APBA1: variants seen among roughly 807,000 people sequenced by gnomAD.
The protein encoded by APBA1 is amyloid beta precursor protein binding family A member 1, also known as amyloid-beta A4 precursor protein-binding family A member 1.
A neutral mutation model predicts 86.6 loss-of-function variants in APBA1; 55 were observed. The observed-to-expected ratio is 0.64, with a 90% confidence interval of 0.51 to 0.80. APBA1 has a LOEUF of 0.80. Ranked by LOEUF, APBA1 falls within the 30% of genes least tolerant of loss-of-function variation. The pLI is 0.00. For missense variants in APBA1, 1,090 were observed against 1,183.0 expected, an observed-to-expected ratio of 0.92 and a Z score of 1.15; for synonymous variants, 511 against 493.9, an observed-to-expected ratio of 1.03 and a Z score of -0.46.
intron 1 of APBA1, among the ~76,000 whole-genome samples, chr9:69,604,625 G>C (rs1480039701): frequency 7.0e-6 from 1 of 143,870 alleles, no homozygotes; most frequent in African/African-American, 2.6e-5. Flanking sequence ...TAAGTGGAGA[G>C]GCACATGAGT....
At chr9:69,660,686 G>T (rs1413847808) in intron 1 of APBA1, among the ~76,000 whole-genome samples, 1 of 152,044 alleles carries the variant, frequency 6.6e-6, no homozygotes, top group African/African-American at 2.4e-5. Context: ...CTTTAAAGAT[G>T]AAAAAACAGG....
intron 1 of APBA1, among the ~76,000 whole-genome samples, chr9:69,586,786 A>G (rs1192315294): frequency 2.0e-5 from 3 of 152,204 alleles, no homozygotes; most frequent in African/African-American, 7.2e-5. Flanking sequence ...GGTGGGAAAT[A>G]TAAGGGAAGA....
Position 69,471,668 on chromosome 9 carries a change from T to C in APBA1, c.1324A>G (p.Thr442Ala), listed in dbSNP as rs199523531. Residue 442 changes from threonine (T) to alanine (A), a missense_variant, in exon 4 of 13, where the codon ACC becomes GCC. By Grantham distance (58) the Thr-to-Ala change is moderately conservative. Around this residue, in one of 6 missense-constraint regions of APBA1, gnomAD observed 76 missense variants for 122.2 expected, o/e 0.62. Coordinates refer to ENST00000265381, the MANE Select transcript of APBA1 (RefSeq NM_001163.4). Reference protein sequence around the residue: ...ESRKSLASFPTYVEVPGPCDP... With the variant: ...ESRKSLASFPAYVEVPGPCDP... ...TTTCAGCTCTTACCTTCAACGTAGGTTGGGAATGAAGCCAAGCTTTTTCTT... is the reference window on the plus strand; with the variant it reads ...TTTCAGCTCTTACCTTCAACGTAGGCTGGGAATGAAGCCAAGCTTTTTCTT... 120 of 1,613,490 alleles carry C rather than the reference T, an allele frequency of 7.4e-5. No individual in the cohort carries two copies. The highest frequency in any genetic ancestry group is 5.2e-4 in the Admixed American group (31 of 59,952).
chr9:69,665,518 G>A (rs181322807), intron 1 of APBA1, among the ~76,000 whole-genome samples: 1 of 152,256 alleles, frequency 6.6e-6, no homozygotes, highest in East Asian at 1.9e-4. Flanking sequence ...TAAATCTTTG[G>A]AAATTTCTCA....
At chr9:69,505,231 C>T (rs1835939580) in intron 2 of APBA1, among the ~76,000 whole-genome samples, 2 of 152,090 alleles carry the variant, frequency 1.3e-5, no homozygotes, top group African/African-American at 4.8e-5. Context: ...CTGACAGGCG[C>T]ACAGCCATCT....
chr9:69,431,210 G>T lies in APBA1; in HGVS notation c.*117C>A. On this transcript the variant is annotated 3_prime_UTR_variant, in exon 13 of 13. Coordinates refer to ENST00000265381, the MANE Select transcript of APBA1 (RefSeq NM_001163.4). ...TCCTTGTGGATTCTTCTCTTCCTGTGTAAAACCAAATGCTGGGCGCGAGAG... is the reference window on the plus strand; with the variant it reads ...TCCTTGTGGATTCTTCTCTTCCTGTTTAAAACCAAATGCTGGGCGCGAGAG... 1.5e-6 allele frequency: 1 copy of T among 675,804 alleles called. No homozygotes were observed. The highest frequency in any genetic ancestry group is 2.4e-6 in the Non-Finnish European group (1 of 412,860). The allele number at this position is 675,804 out of a possible 1,614,324, so 41.9% of individuals were successfully genotyped here. A position where few individuals can be genotyped will look rare whatever the true frequency, so the allele number is the denominator to read the frequency against.
At chr9:69,573,955 A>G (rs895549177) in intron 1 of APBA1, among the ~76,000 whole-genome samples, 2 of 152,252 alleles carry the variant, frequency 1.3e-5, no homozygotes, top group Admixed American at 1.3e-4. Context: ...AACCCCAGTT[A>G]TGACACCTTC....
At chr9:69,667,979 CA>C (rs1426398836) in intron 1 of APBA1, among the ~76,000 whole-genome samples, 2 of 152,126 alleles carry the variant, frequency 1.3e-5, no homozygotes, top group Non-Finnish European at 2.9e-5. Context: ...TCACCCCTTC[CA>C]GCTTCCATGA....
chr9:69,663,688 G>T (rs1423834545), intron 1 of APBA1, among the ~76,000 whole-genome samples: 1 of 152,126 alleles, frequency 6.6e-6, no homozygotes, highest in Non-Finnish European at 1.5e-5. Context: ...TGCTGTATTT[G>T]CTGTATTTTT....
In APBA1 at chr9:69,451,686, C is replaced by T. The variant is rs1166180304; in HGVS notation, c.1968+436G>A. Among the ~76,000 whole-genome samples the T allele has an allele frequency of 2.0e-5, 3 of 152,198 alleles. No homozygotes were observed. In the South Asian group the frequency reaches 6.2e-4, roughly 32 times the overall value. ...TCCTGAATAGCTCAGTTTGAAGCCA[C>T]AGGCCATCCCCAGAGAAGCACAGCA... On this transcript the variant is annotated intron_variant, in intron 9 of 12. Coordinates refer to ENST00000265381, the MANE Select transcript of APBA1 (RefSeq NM_001163.4).
chr9:69,489,594 T>C lies in APBA1; in HGVS notation c.1201-13451A>G, dbSNP rs754401712. 1.6e-3 allele frequency among the ~76,000 whole-genome samples: 246 copies of C among 152,054 alleles called. 2 individuals carry two copies. Among genetic ancestry groups the C allele is most frequent in the Non-Finnish European group, 3.1e-3 (213 of 67,976 alleles). On this transcript the variant is annotated intron_variant, in intron 2 of 12. Transcript: ENST00000265381. ...TACTCATCTGACAAAGGGCTAATAT[T>C]CAGAATCTACAATGAACTCAAACAA...
At chr9:69,494,141 T>C (rs185351599) in intron 2 of APBA1, 1 of 152,224 alleles carries the variant, frequency 6.6e-6, no homozygotes, top group African/African-American at 2.4e-5. Flanking sequence ...AGGGGCATAA[T>C]TATGTCATTA....
chr9:69,502,712 A>C (rs960337713), intron 2 of APBA1, among the ~76,000 whole-genome samples: 1 of 152,088 alleles, frequency 6.6e-6, no homozygotes, highest in African/African-American at 2.4e-5. Flanking sequence ...AAAACATTTC[A>C]TTTTTGAAGT....
intron 1 of APBA1, among the ~76,000 whole-genome samples, chr9:69,565,883 G>A (rs576869383): frequency 1.3e-5 from 2 of 152,268 alleles, no homozygotes; most frequent in African/African-American, 2.4e-5. Context: ...ATGGAATCAC[G>A]TCCCTCCTCT....
chr9:69,499,893 A>C (rs187787855), intron 2 of APBA1, among the ~76,000 whole-genome samples: 2 of 152,222 alleles, frequency 1.3e-5, no homozygotes, highest in Non-Finnish European at 2.9e-5. Context: ...CCATCTCAGC[A>C]GGAGAGTGGC....
intron 2 of APBA1, among the ~76,000 whole-genome samples, chr9:69,512,499 C>T (rs1333659578): frequency 2.6e-5 from 4 of 152,102 alleles, no homozygotes; most frequent in African/African-American, 9.7e-5. Flanking sequence ...TGTGATCTTG[C>T]CATTTTGAGA....
chr9:69,630,738 C>A (rs1588401951), intron 1 of APBA1, among the ~76,000 whole-genome samples: 1 of 152,198 alleles, frequency 6.6e-6, no homozygotes, highest in East Asian at 1.9e-4. Flanking sequence ...TCATTTTCTC[C>A]TGTATCTGTG....
chr9:69,668,685 C>G (rs1823886812), intron 1 of APBA1, among the ~76,000 whole-genome samples: 1 of 152,192 alleles, frequency 6.6e-6, no homozygotes, highest in African/African-American at 2.4e-5. Context: ...TTGAACAAAC[C>G]TCTCTTTCTT....
At position 69,431,087 on chromosome 9, in the gene APBA1, G is replaced by T; in HGVS notation, c.*240C>A. 3 of 447,366 alleles carry T rather than the reference G, an allele frequency of 6.7e-6. No homozygotes were observed. The highest frequency in any genetic ancestry group is 1.2e-5 in the Non-Finnish European group (3 of 255,094). 27.7% of individuals were successfully genotyped at this position (447,366 alleles called of 1,614,324 possible). ...GATGGTCCTGGGTCAGTACCAGGTG[G>T]GTGCTGGCTGCTCTCCATCCTCAAG... On this transcript the variant is annotated 3_prime_UTR_variant, in exon 13 of 13. Transcript: ENST00000265381.
Sources: allele counts gnomAD v4.1 joint callset (sites outside exome capture counted in the v4.1 genomes callset), GRCh38; gene constraint gnomAD v4.1.1; regional missense constraint gnomAD v4.1.1; transcripts MANE v1.5; gene names NCBI Gene and HGNC (gene_info 2026-07-23, HGNC 2026-07-21).